Variants in ZNF407 observed in about 807,000 individuals in gnomAD.
ZNF407 encodes zinc finger protein 407.
In ZNF407, 17 loss-of-function variants were observed where a neutral mutation model predicts 131.2. The ratio of observed to expected loss-of-function variants is 0.13; its 90% CI spans 0.09 to 0.19. The LOEUF (loss-of-function observed/expected upper bound fraction) is 0.19. Among genes scored for constraint, ZNF407 ranks in the 10% least tolerant of loss-of-function variants. ZNF407 has a pLI of 1.00. For synonymous variants in ZNF407, 1,156 were observed against 1,062.0 expected, an observed-to-expected ratio of 1.09 and a Z score of -1.72; for missense variants, 2,681 against 2,830.6, an observed-to-expected ratio of 0.95 and a Z score of 1.20.
At chr18:74,620,862 C>T (rs897112638) in intron 1 of ZNF407, among the ~76,000 whole-genome samples, 1 of 152,110 alleles carries the variant, frequency 6.6e-6, no homozygotes, top group Admixed American at 6.5e-5. Context: ...TGTGGCTCTA[C>T]GTGTGTGTAC....
At position 74,656,678 on chromosome 18, in the gene ZNF407, A is replaced by T. The variant is rs140744080; in HGVS notation, c.4802+15556A>T. ...GGGCAATTAAGGGACAGGGCAGGAGATCTACAGTAATGAGTCCCTGTAGCA... is the reference window on the plus strand; with the variant it reads ...GGGCAATTAAGGGACAGGGCAGGAGTTCTACAGTAATGAGTCCCTGTAGCA... On this transcript the variant is annotated intron_variant, in intron 3 of 8. Coordinates refer to ENST00000299687, the MANE Select transcript of ZNF407 (RefSeq NM_017757.3). 4.4e-3 allele frequency among the ~76,000 whole-genome samples: 677 copies of T among 152,314 alleles called. 3 individuals carry two copies. Among genetic ancestry groups the T allele is most frequent in the African/African-American group, 0.014 (563 of 41,564 alleles).
intron 8 of ZNF407, among the ~76,000 whole-genome samples, chr18:74,959,129 CAA>C (rs1271370173): frequency 1.3e-5 from 2 of 152,178 alleles, no homozygotes; most frequent in Non-Finnish European, 2.9e-5. Flanking sequence ...TGTGTAACCT[CAA>C]AGAGAGTCTT....
intron 8 of ZNF407, among the ~76,000 whole-genome samples, chr18:74,992,242 A>G (rs1972727334): frequency 1.3e-5 from 2 of 152,212 alleles, no homozygotes; most frequent in Non-Finnish European, 2.9e-5. Context: ...GTAAATAATT[A>G]CATTCCTTTT....
At chr18:74,690,556 ATGT>A (rs1264115760) in intron 3 of ZNF407, among the ~76,000 whole-genome samples, 1 of 152,098 alleles carries the variant, frequency 6.6e-6, no homozygotes, top group East Asian at 1.9e-4. Context: ...ATCAGAAAGA[ATGT>A]TAGGACAGGT....
At chr18:74,849,864 G>T (rs1316069592) in intron 4 of ZNF407, among the ~76,000 whole-genome samples, 1 of 152,200 alleles carries the variant, frequency 6.6e-6, no homozygotes, top group Admixed American at 6.5e-5. Flanking sequence ...TTTCCATTTA[G>T]TGCATGTAAG....
At chr18:74,762,872 T>G (rs1969128251) in intron 3 of ZNF407, among the ~76,000 whole-genome samples, 1 of 152,206 alleles carries the variant, frequency 6.6e-6, no homozygotes, top group Admixed American at 6.5e-5. Context: ...ATTTCTCTTT[T>G]TTGGATATTT....
intron 8 of ZNF407, among the ~76,000 whole-genome samples, chr18:75,038,405 C>G (rs960937742): frequency 2.0e-5 from 3 of 152,164 alleles, no homozygotes; most frequent in Non-Finnish European, 4.4e-5. Context: ...GTCTTTAAAA[C>G]TACCTTGTAC....
Position 74,632,257 on chromosome 18 carries a change from G to A in ZNF407, c.1238G>A (p.Arg413Lys), listed in dbSNP as rs2144664263. The A allele has an allele frequency of 6.2e-7, 1 of 1,613,916 alleles. No individual in the cohort carries two copies. The highest frequency in any genetic ancestry group is 1.1e-5 in the South Asian group (1 of 91,088). ...GCACACGGTAACAGTGTAACCTCGA[G>A]GCCAAGACCTGAGCGAAATATTCTC... ...QAAHGNSVTS[R>K]PRPERNILVL... Residue 413 changes from arginine (R) to lysine (K), a missense_variant, in exon 2 of 9, where the codon AGG (arginine) becomes AAG (lysine). By Grantham distance (26) the Arg-to-Lys change is conservative. This residue lies in a region of ZNF407 where 1,789 missense variants were observed against 1,748.7 expected (regional missense o/e 1.02). Coordinates refer to ENST00000299687, the MANE Select transcript of ZNF407 (RefSeq NM_017757.3).
At chr18:74,763,840 G>A (rs1180142066) in intron 3 of ZNF407, among the ~76,000 whole-genome samples, 1 of 150,022 alleles carries the variant, frequency 6.7e-6, no homozygotes, top group African/African-American at 2.4e-5. Context: ...CTCCCGAGTA[G>A]CTGGGACTAC....
intron 1 of ZNF407, among the ~76,000 whole-genome samples, chr18:74,602,826 TTAG>T (rs979624012): frequency 3.3e-5 from 5 of 151,886 alleles, no homozygotes; most frequent in African/African-American, 1.2e-4. Context: ...AGTCTGTGAG[TTAG>T]TAGAGATCCA....
At chr18:75,009,346 T>C (rs760066479) in intron 8 of ZNF407, among the ~76,000 whole-genome samples, 6 of 152,210 alleles carry the variant, frequency 3.9e-5, no homozygotes, top group Admixed American at 6.5e-5. Flanking sequence ...TCAAAACTGA[T>C]TATTTTACAT....
At chr18:75,005,216 AGGATTTAC>A (rs1972894394) in intron 8 of ZNF407, among the ~76,000 whole-genome samples, 1 of 152,162 alleles carries the variant, frequency 6.6e-6, no homozygotes, top group Non-Finnish European at 1.5e-5. Flanking sequence ...CTTACCAGAG[AGGATTTAC>A]GGGCAGTACA....
intron 4 of ZNF407, among the ~76,000 whole-genome samples, chr18:74,830,405 C>A (rs965572814): frequency 2.7e-4 from 41 of 152,094 alleles, no homozygotes; most frequent in Non-Finnish European, 5.4e-4. Context: ...ACCTCAGCCC[C>A]CTGAGTAGCT....
intron 4 of ZNF407, among the ~76,000 whole-genome samples, chr18:74,812,629 G>T (rs1210427411): frequency 6.6e-6 from 1 of 152,104 alleles, no homozygotes; most frequent in Non-Finnish European, 1.5e-5. Context: ...CTTCTTGAAT[G>T]TAGGGGTTGT....
intron 3 of ZNF407, among the ~76,000 whole-genome samples, chr18:74,685,058 A>G (rs944572632): frequency 1.3e-5 from 2 of 152,224 alleles, no homozygotes; most frequent in Non-Finnish European, 2.9e-5. Context: ...TAAAGTTGTC[A>G]AAACTATATA....
intron 3 of ZNF407, among the ~76,000 whole-genome samples, chr18:74,676,529 C>T (rs910683602): frequency 1.5e-4 from 22 of 151,528 alleles, no homozygotes; most frequent in Admixed American, 2.6e-4. Flanking sequence ...CTCCGCCTCC[C>T]GGGTTCACGC....
rs550754523 is a variant in ZNF407, at chr18:74,676,650, G to A, written c.4802+35528G>A. ...GGGGTTTCACCGTGTTAGCCAGGAT[G>A]GTCTCGATCTCCTGACCTCGTGATC... On this transcript the variant is annotated intron_variant, in intron 3 of 8. Transcript: ENST00000299687. Among the ~76,000 whole-genome samples the A allele has an allele frequency of 9.3e-3, 1,405 of 151,816 alleles. 13 individuals carry two copies. Among genetic ancestry groups the A allele is most frequent in the Non-Finnish European group, 0.011 (721 of 67,940 alleles).
chr18:74,764,146 T>C (rs1460813831), intron 3 of ZNF407, among the ~76,000 whole-genome samples: 1 of 152,190 alleles, frequency 6.6e-6, no homozygotes, highest in Non-Finnish European at 1.5e-5. Flanking sequence ...TTTATAGTCT[T>C]CATTACACTT....
rs76480722 is a variant in ZNF407 at position 74,613,631 on chromosome 18, A to G, written c.-54+15694A>G. On this transcript the variant is annotated intron_variant, in intron 1 of 8. Transcript: ENST00000299687. ...CTTGTAGGAGATCCCTTATGGGGAA[A>G]TACAGAACATAGGTTTCTTAAACAG... Among the ~76,000 whole-genome samples, 1,204 of 152,360 alleles carry G rather than the reference A, an allele frequency of 7.9e-3. 36 individuals carry two copies. Among genetic ancestry groups the G allele is most frequent in the East Asian group, 0.057 (297 of 5,188 alleles).
Sources: allele counts gnomAD v4.1 joint callset (sites outside exome capture counted in the v4.1 genomes callset), GRCh38; gene constraint gnomAD v4.1.1; regional missense constraint gnomAD v4.1.1; transcripts MANE v1.5; gene names NCBI Gene and HGNC (gene_info 2026-07-23, HGNC 2026-07-21).